Variants in ZNF441 observed in about 807,000 individuals in gnomAD.
ZNF441 encodes zinc finger protein 441.
Under a neutral mutation model 64.5 loss-of-function variants are expected in ZNF441, and 25 were observed. That is an observed-to-expected ratio of 0.39 (90% CI 0.28 to 0.54). The LOEUF is 0.54. Ranked by LOEUF, ZNF441 falls within the 20% of genes least tolerant of loss-of-function variation. The pLI, the probability that ZNF441 is intolerant of heterozygous loss-of-function variation, is 0.70. For missense variants in ZNF441, 715 were observed against 843.3 expected (o/e 0.85, Z 1.88); for synonymous variants, 262 against 268.0 (o/e 0.98, Z 0.22).
chr19:11,772,234 C>T (rs1033534751), intron 1 of ZNF441, among the ~76,000 whole-genome samples: 1 of 152,168 alleles, frequency 6.6e-6, no homozygotes, highest in African/African-American at 2.4e-5. Flanking sequence ...AATAACAGTG[C>T]AACCAGACAT....
chr19:11,770,261 G>A (rs575884299), intron 1 of ZNF441, among the ~76,000 whole-genome samples: 9 of 152,124 alleles, frequency 5.9e-5, no homozygotes, highest in East Asian at 1.9e-4. Context: ...TTATAAAACC[G>A]TCAGATTTCA....
intron 1 of ZNF441, among the ~76,000 whole-genome samples, chr19:11,774,516 AT>A (rs1202932847): frequency 2.0e-5 from 3 of 151,524 alleles, no homozygotes; most frequent in Non-Finnish European, 4.4e-5. Flanking sequence ...ATTTTAGCTG[AT>A]TTTTTACTTT....
rs34732395 is a variant in ZNF441, at chr19:11,775,628, CT to C, written c.4-1966del. ...ACAGGCATGAGCCACCGCGCCCAGCCTTTTTTTTTTTTTTTTTGTGACGGAA... is the reference window on the plus strand; with the variant it reads ...ACAGGCATGAGCCACCGCGCCCAGCCTTTTTTTTTTTTTTTTGTGACGGAA... On this transcript the variant is annotated intron_variant, in intron 1 of 3. Transcript: ENST00000357901. Among the ~76,000 whole-genome samples the C allele has an allele frequency of 2.1e-3, 233 of 110,628 alleles. 1 individual carries two copies. The highest frequency in any genetic ancestry group is 6.8e-3 in the African/African-American group (179 of 26,140). The allele number at this position is 110,628 out of a possible 152,430, so 72.6% of individuals were successfully genotyped here.
Position 11,779,999 on chromosome 19 carries a change from G to A in ZNF441, c.195-20G>A, listed in dbSNP as rs187847930. 214 of 1,549,774 alleles carry A rather than the reference G, an allele frequency of 1.4e-4. No homozygotes were observed. Among genetic ancestry groups the A allele is most frequent in the Non-Finnish European group, 1.4e-4 (160 of 1,133,480 alleles). ...CATTTATAAACAAACCTTTACTAAT[G>A]TACTTCTTATTTTTTACAGATGTCA... On this transcript the variant is annotated intron_variant, in intron 3 of 3. Coordinates refer to ENST00000357901, the MANE Select transcript of ZNF441 (RefSeq NM_152355.3).
At chr19:11,777,062 G>A (rs749331227) in intron 1 of ZNF441, among the ~76,000 whole-genome samples, 4 of 152,048 alleles carry the variant, frequency 2.6e-5, no homozygotes, top group South Asian at 2.1e-4. Flanking sequence ...TGCCTGCCGC[G>A]GCCTTCCAAA....
chr19:11,777,601 A>T lies in ZNF441; in HGVS notation c.4-10A>T. 1 of 1,609,308 alleles carries T rather than the reference A, an allele frequency of 6.2e-7. No individual in the cohort carries two copies. The highest frequency in any genetic ancestry group is 8.5e-7 in the Non-Finnish European group (1 of 1,178,004). On this transcript the variant is annotated splice_polypyrimidine_tract_variant and intron_variant, in intron 1 of 3. Transcript: ENST00000357901. ...TAATATTCCTCCTCTGCACATGTGA[A>T]ATATTTCAGGACTCAGTGGCATTTG...
chr19:11,780,364 T>G lies in ZNF441; in HGVS notation c.540T>G (p.Leu180=). 6.2e-7 allele frequency: 1 copy of G among 1,614,220 alleles called. No individual in the cohort carries two copies. Among genetic ancestry groups the G allele is most frequent in the East Asian group, 2.2e-5 (1 of 44,886 alleles). ...AGGAATGTGCAAGCTTCAGTTCTCT[T>G]GAAAACCTTCAAAGACACATGGCAG... The part of the protein sequence containing the change: ...DCKECASFSS[L]ENLQRHMAAH... The change falls in exon 4 of 4, where the codon CTT becomes CTG. Residue 180 remains leucine (L), a synonymous_variant. Transcript: ENST00000357901.
intron 1 of ZNF441, among the ~76,000 whole-genome samples, chr19:11,773,695 T>C (rs1246468455): frequency 1.8e-4 from 28 of 152,218 alleles, no homozygotes; most frequent in Non-Finnish European, 1.6e-4. Flanking sequence ...TTTATCATTA[T>C]GAAATATCTC....
At chr19:11,772,483 A>G (rs1454733396) in intron 1 of ZNF441, among the ~76,000 whole-genome samples, 1 of 152,194 alleles carries the variant, frequency 6.6e-6, no homozygotes, top group Non-Finnish European at 1.5e-5. Context: ...GCATTCAGGA[A>G]ATCTATCAGA....
At position 11,780,966 on chromosome 19, in the gene ZNF441, G is replaced by C; in HGVS notation, c.1142G>C (p.Arg381Thr). The stretch of plus-strand genomic sequence containing the variant: ...TTTGATTCTCCCAGTTTATGTCGAA[G>C]GCATGAAACAACTCATACTGGGGAG... ...KAFDSPSLCR[R>T]HETTHTGEKP... The change falls in exon 4 of 4, where the codon AGG (arginine) becomes ACG (threonine). Residue 381 changes from arginine to threonine, a missense_variant. Coordinates refer to ENST00000357901, the MANE Select transcript of ZNF441 (RefSeq NM_152355.3). The C allele has an allele frequency of 6.2e-7, 1 of 1,613,388 alleles. No homozygotes were observed. The highest frequency in any genetic ancestry group is 8.5e-7 in the Non-Finnish European group (1 of 1,179,862).
chr19:11,780,232 T>C lies in ZNF441; in HGVS notation c.408T>C (p.Tyr136=). The change falls in exon 4 of 4, where the codon TAT becomes TAC. Residue 136 remains tyrosine (Y), a synonymous_variant. Transcript: ENST00000357901. Reference sequence around the variant, plus strand: ...ACAAACCATGTGAGTATCAAGAATATGGAGAGAAGCCATATACACATACAC... The same window carrying C: ...ACAAACCATGTGAGTATCAAGAATACGGAGAGAAGCCATATACACATACAC... The part of the protein sequence containing the change: ...SEHKPCEYQE[Y]GEKPYTHTQC... 4 of 1,614,186 alleles carry C rather than the reference T, an allele frequency of 2.5e-6. No individual in the cohort carries two copies. Among genetic ancestry groups the C allele is most frequent in the Non-Finnish European group, 2.5e-6 (3 of 1,180,038 alleles).
intron 1 of ZNF441, among the ~76,000 whole-genome samples, chr19:11,774,592 G>A (rs189097659): frequency 2.0e-5 from 3 of 152,176 alleles, no homozygotes; most frequent in East Asian, 1.9e-4. Context: ...CTTTGCAGTT[G>A]CATAAATTAA....
chr19:11,775,649 A>T (rs764814381), intron 1 of ZNF441, among the ~76,000 whole-genome samples: 24 of 77,190 alleles, frequency 3.1e-4, no homozygotes, highest in Admixed American at 1.8e-3. Context: ...TTTTTTTGTG[A>T]CGGAATCTTG....
At chr19:11,770,397 T>C (rs6511760) in intron 1 of ZNF441, among the ~76,000 whole-genome samples, 23,046 of 152,072 alleles carry the variant, frequency 0.15, 3,746 homozygotes, top group African/African-American at 0.39. Context: ...ATTTGGGTGG[T>C]GACAAAGAGC....
intron 1 of ZNF441, among the ~76,000 whole-genome samples, chr19:11,775,511 A>T (rs530595659): frequency 4.4e-4 from 67 of 151,366 alleles, no homozygotes; most frequent in African/African-American, 1.6e-3. Context: ...TTGTATTTTT[A>T]GTAGAGACGG....
At chr19:11,770,948 A>T (rs543674989) in intron 1 of ZNF441, among the ~76,000 whole-genome samples, 2,275 of 151,922 alleles carry the variant, frequency 0.015, 27 homozygotes, top group Middle Eastern at 0.041. Context: ...AAAAAAAAAA[A>T]ATTGAATGCA....
rs1476075306 is a variant in ZNF441, at chr19:11,767,540, AGG to A, written c.3+348_3+349del. ...AGGGCTGCAGCAGAAACAGTTTAAT[AGG>A]GGGAGAGGGGAGGACACCCCAGATC... On this transcript the variant is annotated intron_variant, in intron 1 of 3. Transcript: ENST00000357901. The surrounding 1 kb of genome is among the most constrained non-coding windows in gnomAD (Gnocchi z 5.1). Among the ~76,000 whole-genome samples, 3 of 148,990 alleles carry A rather than the reference AGG, an allele frequency of 2.0e-5. No individual in the cohort carries two copies. Among genetic ancestry groups the A allele is most frequent in the Non-Finnish European group, 4.4e-5 (3 of 67,488 alleles).
chr19:11,778,076 A>G, intron 2 of ZNF441: 1 of 448,688 alleles, frequency 2.2e-6, no homozygotes, highest in Non-Finnish European at 4.0e-6. Flanking sequence ...AAAATACAAC[A>G]TTACAAAGTT....
intron 3 of ZNF441, 92 bp from the exon 4 acceptor site, chr19:11,779,927 A>G: frequency 8.5e-7 from 1 of 1,178,804 alleles, no homozygotes; most frequent in East Asian, 2.5e-5. Context: ...AAAAAAGAAA[A>G]GAAAGAAAGA....
Sources: allele counts gnomAD v4.1 joint callset (sites outside exome capture counted in the v4.1 genomes callset), GRCh38; gene constraint gnomAD v4.1.1; non-coding constraint Gnocchi (gnomAD v3.1); transcripts MANE v1.5; gene names NCBI Gene and HGNC (gene_info 2026-07-23, HGNC 2026-07-21).